HAO1: variants seen among roughly 807,000 people sequenced by gnomAD.
HAO1 encodes 2-Hydroxyacid oxidase 1.
A neutral mutation model predicts 39.7 loss-of-function variants in HAO1; 34 were observed. The observed-to-expected ratio is 0.86, with a 90% confidence interval of 0.65 to 1.14. HAO1 has a LOEUF of 1.14. HAO1 is among the 50% of genes most tolerant of loss of function. The probability of loss-of-function intolerance (pLI) is 0.00; values close to 1 mark genes in which losing one functional copy is unlikely to be tolerated. For synonymous variants in HAO1, 172 were observed against 173.2 expected (o/e 0.99, Z 0.05); for missense variants, 479 against 464.5 (o/e 1.03, Z -0.29).
At chr20:7,908,759 T>C (rs2050261562) in intron 3 of HAO1, among the ~76,000 whole-genome samples, 1 of 152,174 alleles carries the variant, frequency 6.6e-6, no homozygotes, top group African/African-American at 2.4e-5. Context: ...TGCCTGGTCT[T>C]TCTTTTTATT....
At chr20:7,898,425 G>A (rs931247880) in intron 4 of HAO1, among the ~76,000 whole-genome samples, 1 of 152,254 alleles carries the variant, frequency 6.6e-6, no homozygotes, top group East Asian at 1.9e-4. Context: ...TTGCTTTGCT[G>A]TCATTGGTGT....
At chr20:7,938,523 A>G (rs900429811) in intron 1 of HAO1, among the ~76,000 whole-genome samples, 3 of 152,166 alleles carry the variant, frequency 2.0e-5, no homozygotes, top group African/African-American at 4.8e-5. Context: ...CTTGAATACC[A>G]TGTAATTCAC....
chr20:7,940,282 T>C lies in HAO1; in HGVS notation c.137+4A>G. 2 of 1,591,134 alleles carry C rather than the reference T, an allele frequency of 1.3e-6. No individual in the cohort carries two copies. Among genetic ancestry groups the C allele is most frequent in the South Asian group, 2.3e-5 (2 of 86,762 alleles). On this transcript the variant is annotated splice_donor_region_variant and intron_variant, in intron 1 of 7. Transcript: ENST00000378789. Reference sequence around the variant, plus strand: ...ACATGATTTTAAAAAATAAATTTTCTTACCTGGAAAATGCTGCAATATTAT... The same window carrying C: ...ACATGATTTTAAAAAATAAATTTTCCTACCTGGAAAATGCTGCAATATTAT...
chr20:7,921,693 T>G (rs1243733431), intron 2 of HAO1, among the ~76,000 whole-genome samples: 1 of 152,110 alleles, frequency 6.6e-6, no homozygotes, highest in Admixed American at 6.6e-5. Context: ...AGCAAAGACA[T>G]GGAATCAATC....
chr20:7,897,406 T>C (rs1004615816), intron 4 of HAO1, among the ~76,000 whole-genome samples: 1 of 152,150 alleles, frequency 6.6e-6, no homozygotes, highest in Non-Finnish European at 1.5e-5. Context: ...ATCAGTTGGA[T>C]ATTGGACATT....
intron 2 of HAO1, among the ~76,000 whole-genome samples, chr20:7,933,988 A>G (rs1460763602): frequency 6.6e-6 from 1 of 152,196 alleles, no homozygotes; most frequent in Non-Finnish European, 1.5e-5. Context: ...TCCATTTGCA[A>G]TTTGGCTGTG....
chr20:7,883,797 G>C, intron 7 of HAO1, 134 bp from the exon 8 acceptor site: 1 of 728,624 alleles, frequency 1.4e-6, no homozygotes, highest in Non-Finnish European at 2.4e-6. Flanking sequence ...AATCTTATGT[G>C]GCATGAGACC....
At chr20:7,886,410 G>A (rs2050151618) in intron 5 of HAO1, among the ~76,000 whole-genome samples, 1 of 152,032 alleles carries the variant, frequency 6.6e-6, no homozygotes, top group South Asian at 2.1e-4. Context: ...CTGACCTCAA[G>A]TGATCTGCCT....
intron 4 of HAO1, among the ~76,000 whole-genome samples, chr20:7,905,139 T>C (rs2050241428): frequency 6.6e-6 from 1 of 152,234 alleles, no homozygotes; most frequent in African/African-American, 2.4e-5. Context: ...TCTATGCATA[T>C]GTACAACTAT....
intron 5 of HAO1, among the ~76,000 whole-genome samples, 194 bp from the exon 6 acceptor site, chr20:7,886,058 T>A (rs1464009365): frequency 6.6e-6 from 1 of 152,144 alleles, no homozygotes; most frequent in East Asian, 1.9e-4. Context: ...ACCAACTAAA[T>A]TTGGAAATGA....
intron 2 of HAO1, among the ~76,000 whole-genome samples, chr20:7,932,529 T>G (rs995075019): frequency 4.6e-5 from 7 of 152,292 alleles, no homozygotes; most frequent in African/African-American, 1.7e-4. Context: ...GAGTATAAAG[T>G]CAGGAGTAAT....
At chr20:7,919,656 T>G (rs1164556858) in intron 2 of HAO1, among the ~76,000 whole-genome samples, 1 of 152,202 alleles carries the variant, frequency 6.6e-6, no homozygotes, top group Non-Finnish European at 1.5e-5. Flanking sequence ...GCCTACTTCA[T>G]AGCATTGCAA....
intron 2 of HAO1, among the ~76,000 whole-genome samples, chr20:7,931,938 G>A (rs1046626423): frequency 6.6e-6 from 1 of 152,118 alleles, no homozygotes; most frequent in African/African-American, 2.4e-5. Flanking sequence ...ATCAAATAAA[G>A]CAATATGTGT....
rs2050135361 is a variant in HAO1, at chr20:7,883,267, T to A, written c.*326A>T. ...TGAGATCATTATCTTTTCACCTTAG[T>A]GTTTGCTACCTCCAATTTTACTAAA... is the stretch of plus-strand genomic sequence containing the variant. On this transcript the variant is annotated 3_prime_UTR_variant, in exon 8 of 8. Coordinates refer to ENST00000378789, the MANE Select transcript of HAO1 (RefSeq NM_017545.3). The A allele has an allele frequency of 3.1e-6, 1 of 322,644 alleles. No individual in the cohort carries two copies. 20.0% of individuals were successfully genotyped at this position (322,644 alleles called of 1,614,324 possible).
intron 5 of HAO1, among the ~76,000 whole-genome samples, chr20:7,893,580 T>C (rs1368178732): frequency 6.6e-6 from 1 of 152,162 alleles, no homozygotes; most frequent in African/African-American, 2.4e-5. Flanking sequence ...CCTGGATCAG[T>C]TGGCACCACT....
Sources: allele counts gnomAD v4.1 joint callset (sites outside exome capture counted in the v4.1 genomes callset), GRCh38; gene constraint gnomAD v4.1.1; transcripts MANE v1.5; gene names NCBI Gene and HGNC (gene_info 2026-07-23, HGNC 2026-07-21).